Variants in MTMR9 observed in about 807,000 individuals in gnomAD.
MTMR9 encodes the protein myotubularin-related protein 9.
In MTMR9, 39 loss-of-function variants were observed where a neutral mutation model predicts 69.5. The ratio of observed to expected loss-of-function variants is 0.56; its 90% CI spans 0.43 to 0.73. MTMR9 has a LOEUF of 0.73. Among genes scored for constraint, MTMR9 ranks in the 30% least tolerant of loss-of-function variants. The probability of loss-of-function intolerance (pLI) is 0.00; values close to 1 mark genes in which losing one functional copy is unlikely to be tolerated. For synonymous variants in MTMR9, 354 were observed against 240.8 expected, an observed-to-expected ratio of 1.47 and a Z score of -4.35; for missense variants, 900 against 671.2, an observed-to-expected ratio of 1.34 and a Z score of -3.77.
chr8:11,329,532 T>C (rs1402882806), downstream of MTMR9, among the ~76,000 whole-genome samples: 3 of 152,358 alleles, frequency 2.0e-5, no homozygotes, highest in African/African-American at 7.2e-5. Flanking sequence ...GCCGGGCTGG[T>C]ATCCAGCTCC....
chr8:11,296,423 G>A (rs926634749), intron 2 of MTMR9, among the ~76,000 whole-genome samples: 3 of 152,122 alleles, frequency 2.0e-5, no homozygotes, highest in Non-Finnish European at 4.4e-5. Context: ...ACACTTAACC[G>A]TTTTTAAGTG....
At chr8:11,298,732 C>A in intron 2 of MTMR9, 1 of 949,024 alleles carries the variant, frequency 1.1e-6, no homozygotes, top group Non-Finnish European at 1.3e-6. Flanking sequence ...CCCCCCCCCG[C>A]CATCCAGTAT....
rs907000148 is a variant in MTMR9, at chr8:11,298,398, T to C, written c.292-1625T>C. Among the ~76,000 whole-genome samples, 11 of 151,998 alleles carry C rather than the reference T, an allele frequency of 7.2e-5. No individual in the cohort carries two copies. The East Asian group carries it at 1.5e-3, about 21-fold the overall frequency. On this transcript the variant is annotated intron_variant, in intron 2 of 9. Coordinates refer to ENST00000221086, the MANE Select transcript of MTMR9 (RefSeq NM_015458.4). ...TGTAGGAAAAATATATATATATATATTTATATGGATAATGGATTATACAGC... is the reference window on the plus strand; with the variant it reads ...TGTAGGAAAAATATATATATATATACTTATATGGATAATGGATTATACAGC...
chr8:11,299,841 A>G (rs1327420258), intron 2 of MTMR9, among the ~76,000 whole-genome samples, 182 bp from the exon 3 acceptor site: 1 of 152,154 alleles, frequency 6.6e-6, no homozygotes, highest in Non-Finnish European at 1.5e-5. Context: ...GTTAGATACT[A>G]GAAGCAAAGA....
chr8:11,304,213 T>C (rs1384065907), intron 3 of MTMR9, among the ~76,000 whole-genome samples: 1 of 152,212 alleles, frequency 6.6e-6, no homozygotes, highest in Non-Finnish European at 1.5e-5. Flanking sequence ...TTCCTTAGTA[T>C]TGAGTTGGTA....
At chr8:11,287,810 TACATATAATATATA>T (rs1799222709) in intron 1 of MTMR9, among the ~76,000 whole-genome samples, 1 of 115,696 alleles carries the variant, frequency 8.6e-6, no homozygotes, top group Non-Finnish European at 1.7e-5. Flanking sequence ...TATTATATAA[TACATATAATATATA>T]ATATATAACA....
rs1440985142 is a variant in MTMR9 at position 11,322,656 on chromosome 8, G to A, written c.1518G>A (p.Lys506=). 3 of 1,613,818 alleles carry A rather than the reference G, an allele frequency of 1.9e-6. No individual in the cohort carries two copies. The highest frequency in any genetic ancestry group is 4.5e-5 in the East Asian group (2 of 44,876). Residue 506 remains lysine, a synonymous_variant, in exon 10 of 10, where the codon AAG becomes AAA. Coordinates refer to ENST00000221086, the MANE Select transcript of MTMR9 (RefSeq NM_015458.4). ...GIFLRWNRSS[K]YLDEAYEEMV... The stretch of plus-strand genomic sequence containing the variant: ...TCCTACGTTGGAATAGATCCTCTAA[G>A]TATTTGGATGAAGCATATGAAGAAA...
rs1001489700 is a variant in MTMR9, at chr8:11,327,742, G to C, written c.*4954G>C. On this transcript the variant is annotated 3_prime_UTR_variant, in exon 10 of 10. Coordinates refer to ENST00000221086, the MANE Select transcript of MTMR9 (RefSeq NM_015458.4). ...TAAAATTGCACTGTATGGCAAATAT[G>C]TCTATAATGTATGCTTTGCTGAAAC... The C allele has an allele frequency of 6.6e-6, 1 of 152,516 alleles. No individual in the cohort carries two copies. Among genetic ancestry groups the C allele is most frequent in the Non-Finnish European group, 1.5e-5 (1 of 68,020 alleles). 9.4% of individuals were successfully genotyped at this position (152,516 alleles called of 1,614,324 possible).
intron 8 of MTMR9, chr8:11,317,593 C>G (rs1800481099): frequency 1.3e-5 from 2 of 152,166 alleles, no homozygotes. Flanking sequence ...CAGTTCCTAA[C>G]AGGCCACGGA....
chr8:11,322,515 CAAAAG>C (rs1271780452), intron 9 of MTMR9, 105 bp from the exon 10 acceptor site: 9 of 887,354 alleles, frequency 1.0e-5, no homozygotes, highest in Non-Finnish European at 1.6e-5. Context: ...GTTGTGGCAA[CAAAAG>C]AAAAAAGAAT....
intron 1 of MTMR9, among the ~76,000 whole-genome samples, chr8:11,293,994 T>C (rs1231929250): frequency 6.6e-6 from 1 of 152,220 alleles, no homozygotes; most frequent in Non-Finnish European, 1.5e-5. Flanking sequence ...CACTTTGTTC[T>C]TATTCAAAGT....
the MTMR9 span, among the ~76,000 whole-genome samples, chr8:11,337,292 C>T: frequency 6.6e-6 from 1 of 152,162 alleles, no homozygotes; most frequent in Non-Finnish European, 1.5e-5. Flanking sequence ...CATATGTTGC[C>T]TCCAAAATCC....
At chr8:11,299,924 C>A (rs1053081958) in intron 2 of MTMR9, 99 bp from the exon 3 acceptor site, 3 of 1,354,514 alleles carry the variant, frequency 2.2e-6, no homozygotes, top group Admixed American at 2.3e-5. Context: ...GGGTGCCCAT[C>A]ATTATTAGAC....
At chr8:11,306,137 C>T in intron 4 of MTMR9, 53 bp from the exon 5 acceptor site, 1 of 1,513,942 alleles carries the variant, frequency 6.6e-7, no homozygotes, top group Non-Finnish European at 9.1e-7. Flanking sequence ...TTTCTGTTTT[C>T]AGAAACTTTA....
intron 1 of MTMR9, among the ~76,000 whole-genome samples, chr8:11,286,779 T>C (rs1396641594): frequency 2.6e-5 from 4 of 152,136 alleles, no homozygotes; most frequent in Non-Finnish European, 5.9e-5. Flanking sequence ...TCTCACTTTA[T>C]TTCTTGCCAT....
intron 5 of MTMR9, among the ~76,000 whole-genome samples, chr8:11,308,081 C>CT (rs1800033402): frequency 6.6e-6 from 1 of 152,176 alleles, no homozygotes; most frequent in African/African-American, 2.4e-5. Flanking sequence ...TTTGTTGCCT[C>CT]TGCTTTTGAG....
At chr8:11,329,524 C>G (rs113152939), downstream of MTMR9, among the ~76,000 whole-genome samples, 3 of 152,246 alleles carry the variant, frequency 2.0e-5, no homozygotes, top group African/African-American at 4.8e-5. Flanking sequence ...CTGTGTTGGC[C>G]GGGCTGGTAT....
At chr8:11,299,141 A>G (rs1799662858) in intron 2 of MTMR9, among the ~76,000 whole-genome samples, 1 of 152,202 alleles carries the variant, frequency 6.6e-6, no homozygotes, top group Non-Finnish European at 1.5e-5. Flanking sequence ...TGGCCTGGCC[A>G]ACATGGTGAA....
rs892715255 is a variant in MTMR9 at position 11,325,614 on chromosome 8, A to G, written c.*2826A>G. On this transcript the variant is annotated 3_prime_UTR_variant, in exon 10 of 10. Coordinates refer to ENST00000221086, the MANE Select transcript of MTMR9 (RefSeq NM_015458.4). ...TTTTAAAATACAAAGGATCACCACA[A>G]TCCTCTATTGAACATATAAGGATCC... 2.6e-5 allele frequency: 4 copies of G among 151,984 alleles called. No homozygotes were observed. Among genetic ancestry groups the G allele is most frequent in the Admixed American group, 2.6e-4 (4 of 15,260 alleles). The allele number at this position is 151,984 out of a possible 1,614,324, so 9.4% of individuals were successfully genotyped here. A position where few individuals can be genotyped will look rare whatever the true frequency, so the allele number is the denominator to read the frequency against.
Sources: allele counts gnomAD v4.1 joint callset (sites outside exome capture counted in the v4.1 genomes callset), GRCh38; gene constraint gnomAD v4.1.1; transcripts MANE v1.5; gene names NCBI Gene and HGNC (gene_info 2026-07-23, HGNC 2026-07-21).